ANGPT1: variants seen among roughly 807,000 people sequenced by gnomAD.
The protein encoded by ANGPT1 is angiopoietin-1.
ANGPT1 carries 17 observed loss-of-function variants against 62.2 expected under a neutral mutation model. The ratio of observed to expected loss-of-function variants is 0.27; its 90% CI spans 0.19 to 0.41. The LOEUF (loss-of-function observed/expected upper bound fraction) is 0.41. Among genes scored for constraint, ANGPT1 ranks in the 10% least tolerant of loss-of-function variants. ANGPT1 has a pLI of 1.00. For synonymous variants in ANGPT1, 199 were observed against 198.9 expected (o/e 1.00, Z 0.00); for missense variants, 478 against 594.9 (o/e 0.80, Z 2.04).
At chr8:107,324,924 C>A (rs1185853330) in intron 3 of ANGPT1, among the ~76,000 whole-genome samples, 4 of 152,020 alleles carry the variant, frequency 2.6e-5, no homozygotes, top group Non-Finnish European at 5.9e-5. Flanking sequence ...TAAAGTAAAC[C>A]CAATTTAGAT....
intron 8 of ANGPT1, among the ~76,000 whole-genome samples, chr8:107,252,656 C>A (rs1158003442): frequency 1.3e-5 from 2 of 152,142 alleles, no homozygotes; most frequent in African/African-American, 4.8e-5. Context: ...AGTTCCTGTA[C>A]AGCCATATTT....
intron 1 of ANGPT1, among the ~76,000 whole-genome samples, chr8:107,492,020 C>T (rs1296409813): frequency 6.6e-6 from 1 of 152,044 alleles, no homozygotes; most frequent in African/African-American, 2.4e-5. Context: ...TGTTATAACA[C>T]TAACTGCCTA....
intron 1 of ANGPT1, chr8:107,495,087 T>C (rs1813058388): frequency 6.6e-6 from 1 of 152,204 alleles, no homozygotes; most frequent in South Asian, 2.1e-4. Context: ...GTTTAGAACT[T>C]GGAGTGAAGA....
chr8:107,414,056 A>T (rs1350244332), intron 1 of ANGPT1, among the ~76,000 whole-genome samples: 1 of 152,174 alleles, frequency 6.6e-6, no homozygotes, highest in Non-Finnish European at 1.5e-5. Flanking sequence ...TCATCTGTTC[A>T]TGATTGCAGA....
chr8:107,401,870 A>G (rs1311206223), intron 1 of ANGPT1, among the ~76,000 whole-genome samples: 2 of 152,204 alleles, frequency 1.3e-5, no homozygotes, highest in African/African-American at 4.8e-5. Context: ...AAAATTTTAA[A>G]AAGGAATTCA....
chr8:107,282,075 T>TAG (rs1814020591), intron 7 of ANGPT1, among the ~76,000 whole-genome samples: 1 of 151,342 alleles, frequency 6.6e-6, no homozygotes, highest in Non-Finnish European at 1.5e-5. Flanking sequence ...TTGCAAGGGC[T>TAG]TAGCTTCTGT....
chr8:107,280,778 A>T (rs193282400), intron 7 of ANGPT1, among the ~76,000 whole-genome samples: 2 of 152,256 alleles, frequency 1.3e-5, no homozygotes, highest in Non-Finnish European at 2.9e-5. Flanking sequence ...TTACCTGCAG[A>T]TATTTGAACA....
intron 8 of ANGPT1, among the ~76,000 whole-genome samples, chr8:107,262,436 T>A (rs1813514729): frequency 6.6e-6 from 1 of 152,208 alleles, no homozygotes; most frequent in South Asian, 2.1e-4. Flanking sequence ...GTGCTAGATG[T>A]TTGGGATGAA....
intron 1 of ANGPT1, among the ~76,000 whole-genome samples, chr8:107,446,714 T>C (rs190860319): frequency 5.7e-4 from 87 of 152,300 alleles, no homozygotes; most frequent in Non-Finnish European, 9.0e-4. Context: ...CATTGGAATA[T>C]GGAAAGAATA....
At chr8:107,377,587 G>A (rs1187125658) in intron 1 of ANGPT1, among the ~76,000 whole-genome samples, 6 of 152,208 alleles carry the variant, frequency 3.9e-5, no homozygotes, top group Non-Finnish European at 8.8e-5. Flanking sequence ...AGAAGTGGAA[G>A]AAGAGAGGAA....
At position 107,353,174 on chromosome 8, in the gene ANGPT1, T is replaced by C. The variant is rs114238490; in HGVS notation, c.298-6077A>G. 3.8e-3 allele frequency among the ~76,000 whole-genome samples: 585 copies of C among 152,324 alleles called. 6 individuals carry two copies. Among genetic ancestry groups the C allele is most frequent in the African/African-American group, 0.014 (563 of 41,576 alleles). On this transcript the variant is annotated intron_variant, in intron 1 of 8. Transcript: ENST00000517746. ...TTTTGATATCTGAAAGAATATTTACTATTTATGGAAGAAAGAAAACCATTA... is the reference window on the plus strand; with the variant it reads ...TTTTGATATCTGAAAGAATATTTACCATTTATGGAAGAAAGAAAACCATTA...
chr8:107,419,266 C>T (rs1213522277), intron 1 of ANGPT1, among the ~76,000 whole-genome samples: 1 of 152,100 alleles, frequency 6.6e-6, no homozygotes, highest in African/African-American at 2.4e-5. Context: ...GCCCTTCTCC[C>T]CTGAAGCAGG....
At chr8:107,337,786 G>T (rs1815601231) in intron 2 of ANGPT1, among the ~76,000 whole-genome samples, 1 of 152,000 alleles carries the variant, frequency 6.6e-6, no homozygotes, top group Non-Finnish European at 1.5e-5. Context: ...GATGCACACA[G>T]AAAGTCTACT....
chr8:107,281,560 C>T (rs769415896), intron 7 of ANGPT1, among the ~76,000 whole-genome samples: 3 of 152,054 alleles, frequency 2.0e-5, no homozygotes, highest in Admixed American at 6.6e-5. Context: ...GTGCGGATCA[C>T]GAGATCAGGA....
chr8:107,423,616 C>A (rs1302468806), intron 1 of ANGPT1, among the ~76,000 whole-genome samples: 1 of 152,120 alleles, frequency 6.6e-6, no homozygotes, highest in Admixed American at 6.6e-5. Flanking sequence ...CTAAAACTGT[C>A]TGCACAAATC....
intron 3 of ANGPT1, among the ~76,000 whole-genome samples, chr8:107,331,643 A>G (rs1048100500): frequency 1.3e-5 from 2 of 152,170 alleles, no homozygotes; most frequent in African/African-American, 4.8e-5. Context: ...AGTGTAAAAT[A>G]GAAATAATAA....
chr8:107,268,110 C>T (rs1318455941), intron 7 of ANGPT1, among the ~76,000 whole-genome samples: 2 of 152,044 alleles, frequency 1.3e-5, no homozygotes, highest in African/African-American at 4.8e-5. Flanking sequence ...CTATGTCTTA[C>T]TCATCTTTGA....
intron 1 of ANGPT1, among the ~76,000 whole-genome samples, chr8:107,349,956 C>T (rs138809643): frequency 7.4e-4 from 113 of 152,208 alleles, no homozygotes; most frequent in East Asian, 7.0e-3. Flanking sequence ...CAGTGCATCT[C>T]AAAGTGTGGT....
At chr8:107,254,711 A>G (rs1315907426) in intron 8 of ANGPT1, among the ~76,000 whole-genome samples, 1 of 152,116 alleles carries the variant, frequency 6.6e-6, no homozygotes, top group Non-Finnish European at 1.5e-5. Flanking sequence ...CATCAGTGCA[A>G]CTGGTGCACA....
Sources: gnomAD v4.1 joint callset for allele counts (sites outside exome capture counted in the v4.1 genomes callset) on GRCh38, gnomAD v4.1.1 for gene constraint, MANE v1.5 for transcripts, NCBI Gene and HGNC (gene_info 2026-07-23, HGNC 2026-07-21) for gene names.